The following TMEM132B variants were observed in gnomAD, a reference collection of about 807,000 sequenced individuals.
TMEM132B encodes transmembrane protein 132B.
Under a neutral mutation model 90.8 loss-of-function variants are expected in TMEM132B, and 18 were observed. The ratio of observed to expected loss-of-function variants is 0.20; its 90% CI spans 0.14 to 0.29. The LOEUF is 0.29. Ranked by LOEUF, TMEM132B falls within the 10% of genes least tolerant of loss-of-function variation. The pLI, the probability that TMEM132B is intolerant of heterozygous loss-of-function variation, is 1.00. For missense variants in TMEM132B, 1,096 were observed against 1,326.8 expected, an observed-to-expected ratio of 0.83 and a Z score of 2.70; for synonymous variants, 504 against 523.3, an observed-to-expected ratio of 0.96 and a Z score of 0.50.
At position 125,347,741 on chromosome 12, in the gene TMEM132B, C is replaced by T. The variant is rs117092909; in HGVS notation, c.68-1711C>T. 7.9e-5 allele frequency among the ~76,000 whole-genome samples: 12 copies of T among 152,312 alleles called. No individual in the cohort carries two copies. The East Asian group carries it at 1.5e-3, about 20-fold the overall frequency. ...TTTAGGGCAAAAGAAAAAAAAGTCT[C>T]TGTCTGCCCTTGGCCTGCTTTGCTG... On this transcript the variant is annotated intron_variant, in intron 1 of 8. Transcript: ENST00000682704.
intron 3 of TMEM132B, among the ~76,000 whole-genome samples, chr12:125,496,985 G>A (rs1882578810): frequency 6.6e-6 from 1 of 152,182 alleles, no homozygotes; most frequent in Non-Finnish European, 1.5e-5. Flanking sequence ...AGGCAGTCTT[G>A]TAGGTCTCTA....
chr12:125,503,304 A>T (rs1882745541), intron 3 of TMEM132B, among the ~76,000 whole-genome samples: 1 of 152,094 alleles, frequency 6.6e-6, no homozygotes, highest in Non-Finnish European at 1.5e-5. Context: ...CATAGACATG[A>T]TGTCAAAGGT....
intron 3 of TMEM132B, among the ~76,000 whole-genome samples, chr12:125,473,310 A>G (rs60536467): frequency 0.024 from 3,624 of 151,708 alleles, 151 homozygotes; most frequent in African/African-American, 0.083. Flanking sequence ...CCCACCATTA[A>G]TTTTTCCCAA....
intron 1 of TMEM132B, among the ~76,000 whole-genome samples, chr12:125,226,744 G>A (rs139558398): frequency 8.9e-4 from 135 of 152,248 alleles, no homozygotes; most frequent in African/African-American, 3.2e-3. Flanking sequence ...TACGTGTCAG[G>A]GTTTATTGGA....
chr12:125,199,485 A>G (rs1873006337), intron 1 of TMEM132B, among the ~76,000 whole-genome samples: 2 of 152,194 alleles, frequency 1.3e-5, no homozygotes, highest in East Asian at 1.9e-4. Context: ...CAGTGAGCTC[A>G]AGTGACACAT....
At chr12:125,337,375 G>T (rs12299227) in intron 1 of TMEM132B, among the ~76,000 whole-genome samples, 2 of 152,020 alleles carry the variant, frequency 1.3e-5, no homozygotes, top group Non-Finnish European at 1.5e-5. Flanking sequence ...AGCTTTCCTC[G>T]CGTGGAGGTT....
At chr12:125,476,997 A>G (rs1445149151) in intron 3 of TMEM132B, among the ~76,000 whole-genome samples, 1 of 152,320 alleles carries the variant, frequency 6.6e-6, no homozygotes, top group East Asian at 1.9e-4. Context: ...TTGTTGGTGG[A>G]CAGCCAACTG....
chr12:125,411,820 A>G (rs980146900), intron 2 of TMEM132B, among the ~76,000 whole-genome samples: 1 of 152,086 alleles, frequency 6.6e-6, no homozygotes, highest in Admixed American at 6.5e-5. Flanking sequence ...TAACTTCACT[A>G]AGGGGAAGCA....
intron 2 of TMEM132B, among the ~76,000 whole-genome samples, chr12:125,404,007 G>A (rs998259275): frequency 6.6e-6 from 1 of 152,120 alleles, no homozygotes; most frequent in Non-Finnish European, 1.5e-5. Flanking sequence ...GAGATCTGGA[G>A]CTGCTGCAGC....
chr12:125,227,552 A>G (rs79326690), intron 1 of TMEM132B, among the ~76,000 whole-genome samples: 5,486 of 151,638 alleles, frequency 0.036, 127 homozygotes, highest in Non-Finnish European at 0.049. Flanking sequence ...CAAAGGGCAG[A>G]CTCCCTTGAG....
chr12:125,609,175 G>A (rs533477066), intron 5 of TMEM132B, among the ~76,000 whole-genome samples: 1 of 152,140 alleles, frequency 6.6e-6, no homozygotes, highest in African/African-American at 2.4e-5. Flanking sequence ...CCCTTGACTC[G>A]TGAGGATTAT....
chr12:125,211,694 C>T lies in TMEM132B; in HGVS notation c.67+24828C>T, dbSNP rs552601647. Among the ~76,000 whole-genome samples, 14 of 152,358 alleles carry T rather than the reference C, an allele frequency of 9.2e-5. No individual in the cohort carries two copies. The East Asian group carries it at 1.9e-3, about 21-fold the overall frequency. On this transcript the variant is annotated intron_variant, in intron 1 of 8. Transcript: ENST00000682704. ...CCTTCCACCCGCTGCACACGGTTCA[C>T]CTCCTTAGCACTCAGTCTGGCTTTC...
At chr12:125,527,233 TCCATCCACCCATCC>T (rs1883500155) in intron 4 of TMEM132B, among the ~76,000 whole-genome samples, 1 of 87,978 alleles carries the variant, frequency 1.1e-5, no homozygotes, top group African/African-American at 5.1e-5. Flanking sequence ...CATCCACCCT[TCCATCCACCCATCC>T]ACCCTTCCAT....
At chr12:125,572,737 C>T (rs911084753) in intron 4 of TMEM132B, among the ~76,000 whole-genome samples, 14 of 152,140 alleles carry the variant, frequency 9.2e-5, no homozygotes, top group Non-Finnish European at 1.8e-4. Flanking sequence ...TGATTCTTGC[C>T]TGAAACAATT....
intron 5 of TMEM132B, among the ~76,000 whole-genome samples, chr12:125,628,860 T>C (rs539871038): frequency 8.5e-5 from 13 of 152,330 alleles, no homozygotes; most frequent in African/African-American, 3.1e-4. Context: ...TTCATTTCTC[T>C]ACATATGGAT....
At chr12:125,409,621 AGGAGTGGAGTGGAGTGGAGGAGT>A (rs1879640517) in intron 2 of TMEM132B, among the ~76,000 whole-genome samples, 14 of 48,652 alleles carry the variant, frequency 2.9e-4, no homozygotes, top group South Asian at 8.2e-4. Context: ...AGTGGAGTGG[AGGAGTGGAGTGGAGTGGAGGAGT>A]GGAGTGGAGT....
intron 4 of TMEM132B, among the ~76,000 whole-genome samples, chr12:125,564,174 A>G (rs770729299): frequency 1.2e-4 from 19 of 152,232 alleles, no homozygotes; most frequent in Non-Finnish European, 2.5e-4. Context: ...GTCCTGAAAC[A>G]CTATTCATGA....
intron 5 of TMEM132B, among the ~76,000 whole-genome samples, chr12:125,617,248 G>A (rs1302514061): frequency 6.6e-6 from 1 of 151,732 alleles, no homozygotes; most frequent in Admixed American, 6.6e-5. Flanking sequence ...CCCTTCCAAT[G>A]TGAGCACCTT....
At chr12:125,512,942 G>C (rs933692500) in intron 3 of TMEM132B, among the ~76,000 whole-genome samples, 1 of 152,236 alleles carries the variant, frequency 6.6e-6, no homozygotes, top group African/African-American at 2.4e-5. Context: ...CTCCTCTCCA[G>C]GACATCAGTG....
Sources: allele counts gnomAD v4.1 joint callset (sites outside exome capture counted in the v4.1 genomes callset), GRCh38; gene constraint gnomAD v4.1.1; transcripts MANE v1.5; gene names NCBI Gene and HGNC (gene_info 2026-07-23, HGNC 2026-07-21).